The following RIC1 variants were observed in gnomAD, a reference collection of about 807,000 sequenced individuals.
The protein encoded by RIC1 is guanine nucleotide exchange factor subunit RIC1.
Under a neutral mutation model 169.0 loss-of-function variants are expected in RIC1, and 88 were observed. That is an observed-to-expected ratio of 0.52 (90% confidence interval 0.44 to 0.62). The LOEUF is 0.62. RIC1 is among the 20% of genes least tolerant of loss of function. RIC1 has a pLI of 0.00. For missense variants in RIC1, 1,877 were observed against 1,725.5 expected (o/e 1.09, Z -1.56); for synonymous variants, 790 against 601.5 (o/e 1.31, Z -4.59).
At chr9:5,718,122 A>C (rs530610531) in intron 4 of RIC1, among the ~76,000 whole-genome samples, 41 of 137,894 alleles carry the variant, frequency 3.0e-4, no homozygotes, top group African/African-American at 7.3e-4. Context: ...CTTGGGCAAC[A>C]GAGCAAGACT....
chr9:5,683,037 C>T (rs1325659108), intron 2 of RIC1, among the ~76,000 whole-genome samples: 2 of 152,158 alleles, frequency 1.3e-5, no homozygotes, highest in African/African-American at 4.8e-5. Flanking sequence ...GGACTTCTCT[C>T]CATTGGTTAT....
intron 1 of RIC1, among the ~76,000 whole-genome samples, chr9:5,629,856 A>G (rs899788056): frequency 6.6e-6 from 1 of 152,162 alleles, no homozygotes; most frequent in Admixed American, 6.5e-5. Context: ...CCTTACTTTA[A>G]AGGTCGCCGT....
At chr9:5,685,375 A>G (rs1234930151) in intron 2 of RIC1, among the ~76,000 whole-genome samples, 1 of 151,870 alleles carries the variant, frequency 6.6e-6, no homozygotes, top group East Asian at 1.9e-4. Flanking sequence ...GACTTCAACT[A>G]TACTACAAGG....
Position 5,677,935 on chromosome 9 carries a change from A to G in RIC1, c.253-12024A>G, listed in dbSNP as rs1048074118. 5.3e-5 allele frequency among the ~76,000 whole-genome samples: 8 copies of G among 152,046 alleles called. No individual in the cohort carries two copies. In the East Asian group the frequency reaches 1.4e-3, roughly 26 times the overall value. ...TACATATGTATACATGTGCCATGTTAGTGTGATGCACCCATTAACTCATTT... is the reference window on the plus strand; with the variant it reads ...TACATATGTATACATGTGCCATGTTGGTGTGATGCACCCATTAACTCATTT... On this transcript the variant is annotated intron_variant, in intron 2 of 25. Coordinates refer to ENST00000414202, the MANE Select transcript of RIC1 (RefSeq NM_020829.4).
At chr9:5,741,336 G>A (rs1299048103) in intron 8 of RIC1, among the ~76,000 whole-genome samples, 3 of 152,140 alleles carry the variant, frequency 2.0e-5, no homozygotes, top group Non-Finnish European at 4.4e-5. Flanking sequence ...TCCTGCTTGA[G>A]ACTTAGGCTT....
intron 17 of RIC1, among the ~76,000 whole-genome samples, chr9:5,761,175 G>A (rs1333535715): frequency 7.4e-6 from 1 of 135,214 alleles, no homozygotes; most frequent in East Asian, 2.3e-4. Flanking sequence ...GTGCAATGGT[G>A]CAATCTTGGC....
Position 5,776,307 on chromosome 9 carries a change from C to T in RIC1, c.*2061C>T, listed in dbSNP as rs1827582445. 1 of 151,834 alleles carries T rather than the reference C, an allele frequency of 6.6e-6. No individual in the cohort carries two copies. The highest frequency in any genetic ancestry group is 2.4e-5 in the African/African-American group (1 of 41,328). The allele number at this position is 151,834 out of a possible 1,614,324, so 9.4% of individuals were successfully genotyped here. Reference sequence around the variant, plus strand: ...GTTATATACCTTAATTTTTAAAAACCCATTTTTATTGTGGTGTTTGGTTCA... The same window carrying T: ...GTTATATACCTTAATTTTTAAAAACTCATTTTTATTGTGGTGTTTGGTTCA... On this transcript the variant is annotated 3_prime_UTR_variant, in exon 26 of 26. Coordinates refer to ENST00000414202, the MANE Select transcript of RIC1 (RefSeq NM_020829.4).
intron 1 of RIC1, 105 bp downstream of exon 1, chr9:5,629,558 C>G: frequency 3.2e-6 from 4 of 1,234,642 alleles, no homozygotes; most frequent in Non-Finnish European, 4.3e-6. Flanking sequence ...CCCTTCGTGC[C>G]AGACCCACCT....
chr9:5,629,144 G>C lies in RIC1; in HGVS notation c.-166G>C. ...GTCAGCTTGGGGGTGCCTTCGTCGC[G>C]CAGCCTTGCGTCGGCCCGGCCCGGC... On this transcript the variant is annotated 5_prime_UTR_variant, in exon 1 of 26. Transcript: ENST00000414202. 3.7e-6 allele frequency: 2 copies of C among 535,884 alleles called. No individual in the cohort carries two copies. The highest frequency in any genetic ancestry group is 5.6e-6 in the Non-Finnish European group (2 of 359,238). 33.2% of individuals were successfully genotyped at this position (535,884 alleles called of 1,614,324 possible).
rs1827566169 is a variant in RIC1 at position 5,776,075 on chromosome 9, T to C, written c.*1829T>C. 6.6e-6 allele frequency: 1 copy of C among 152,168 alleles called. No individual in the cohort carries two copies. The highest frequency in any genetic ancestry group is 2.4e-5 in the African/African-American group (1 of 41,464). The allele number at this position is 152,168 out of a possible 1,614,324, so 9.4% of individuals were successfully genotyped here. On this transcript the variant is annotated 3_prime_UTR_variant, in exon 26 of 26. Transcript: ENST00000414202. ...TACCATTATAAAGAGCTGTGATCTT[T>C]TCAAGTATCTGAAATAAAACACTGT...
chr9:5,762,442 T>A (rs770181951), intron 17 of RIC1, 99 bp from the exon 18 acceptor site: 5 of 1,401,692 alleles, frequency 3.6e-6, no homozygotes, highest in Non-Finnish European at 4.9e-6. Context: ...CAATAAATAA[T>A]GTAGATTGTT....
chr9:5,747,266 C>T (rs765368614), intron 11 of RIC1, 36 bp from the exon 12 acceptor site: 9 of 1,539,532 alleles, frequency 5.8e-6, no homozygotes, highest in Non-Finnish European at 8.1e-6. Context: ...ATTTGTTTTC[C>T]TCCTTTGCCC....
intron 3 of RIC1, among the ~76,000 whole-genome samples, chr9:5,704,042 GTT>G (rs71487827): frequency 1.6e-3 from 237 of 147,964 alleles, no homozygotes; most frequent in African/African-American, 5.4e-3. Flanking sequence ...TATTTTCTGG[GTT>G]TTTTTTTTTA....
intron 3 of RIC1, chr9:5,713,612 T>C (rs892624934): frequency 8.0e-6 from 2 of 248,454 alleles, no homozygotes; most frequent in African/African-American, 2.3e-5. Flanking sequence ...TGGTTCTCTT[T>C]AGAGTTAGTT....
chr9:5,770,150 G>A lies in RIC1; in HGVS notation c.3488G>A (p.Gly1163Asp). ...TTTTTGAACCTTGAGATGGATGCTGGCATCTCCAACATCCAGCGAAGTCAG... is the reference window on the plus strand; with the variant it reads ...TTTTTGAACCTTGAGATGGATGCTGACATCTCCAACATCCAGCGAAGTCAG... ...DPFLNLEMDAGISNIQRSQSW... is the reference protein window; with the variant it reads ...DPFLNLEMDADISNIQRSQSW... Residue 1163 changes from glycine to aspartate, a missense_variant, in exon 23 of 26, where the codon GGC (glycine) becomes GAC (aspartate). Physicochemically the swap from Gly to Asp is moderately conservative, Grantham distance 94. This residue lies in a region of RIC1 where 681 missense variants were observed against 582.0 expected (regional missense o/e 1.17). Transcript: ENST00000414202. 1 of 1,613,766 alleles carries A rather than the reference G, an allele frequency of 6.2e-7. No homozygotes were observed. The highest frequency in any genetic ancestry group is 1.7e-5 in the Admixed American group (1 of 59,976).
At chr9:5,720,812 C>T in intron 6 of RIC1, 62 bp downstream of exon 6, 1 of 1,332,908 alleles carries the variant, frequency 7.5e-7, no homozygotes, top group Non-Finnish European at 1.0e-6. Flanking sequence ...TCTTTGTTAT[C>T]AAATTCTTCT....
intron 17 of RIC1, among the ~76,000 whole-genome samples, chr9:5,760,325 T>C (rs1409648449): frequency 6.6e-6 from 1 of 152,174 alleles, no homozygotes; most frequent in Non-Finnish European, 1.5e-5. Flanking sequence ...TGCTTGAGAG[T>C]GCTGTTGCAG....
intron 1 of RIC1, among the ~76,000 whole-genome samples, chr9:5,640,192 A>G (rs542406136): frequency 8.5e-5 from 13 of 152,210 alleles, no homozygotes; most frequent in East Asian, 1.9e-4. Context: ...CTCTGGTGCT[A>G]TGATTTAATT....
rs1269558433 is a variant in RIC1, at chr9:5,765,722, T to C, written c.3061T>C (p.Ser1021Pro). Residue 1021 changes from serine to proline, a missense_variant, in exon 21 of 26, where the codon TCA becomes CCA. Physicochemically the swap from Ser to Pro is moderately conservative, Grantham distance 74. Coordinates refer to ENST00000414202, the MANE Select transcript of RIC1 (RefSeq NM_020829.4). ...FRNRSISLSQ[S>P]AENVPASKFS... ...GAATCGAAGCATCAGTTTATCCCAG[T>C]CAGCTGAAAATGTTCCTGCCAGTAA... 1.2e-6 allele frequency: 2 copies of C among 1,614,046 alleles called. No homozygotes were observed. Among genetic ancestry groups the C allele is most frequent in the Non-Finnish European group, 1.7e-6 (2 of 1,180,008 alleles).
Sources: allele counts gnomAD v4.1 joint callset (sites outside exome capture counted in the v4.1 genomes callset), GRCh38; gene constraint gnomAD v4.1.1; regional missense constraint gnomAD v4.1.1; transcripts MANE v1.5; gene names NCBI Gene and HGNC (gene_info 2026-07-23, HGNC 2026-07-21).